SLC30A8: variants seen among roughly 807,000 people sequenced by gnomAD.
SLC30A8 encodes solute carrier family 30 member 8.
SLC30A8 carries 27 observed loss-of-function variants against 36.9 expected under a neutral mutation model. That is an observed-to-expected ratio of 0.73 (90% CI 0.54 to 1.01). The LOEUF (loss-of-function observed/expected upper bound fraction) is 1.01. Ranked by LOEUF, SLC30A8 falls within the 50% of genes least tolerant of loss-of-function variation. The pLI, the probability that SLC30A8 is intolerant of heterozygous loss-of-function variation, is 0.00. For missense variants in SLC30A8, 439 were observed against 452.0 expected (o/e 0.97, Z 0.26); for synonymous variants, 164 against 172.4 (o/e 0.95, Z 0.38).
chr8:116,973,517 C>A (rs1018563851), intron 1 of SLC30A8, among the ~76,000 whole-genome samples: 1 of 152,226 alleles, frequency 6.6e-6, no homozygotes, highest in East Asian at 1.9e-4. Flanking sequence ...AACTACAAAC[C>A]GCTGCTCAAC....
At chr8:117,041,381 T>G (rs1817382231) in intron 2 of SLC30A8, among the ~76,000 whole-genome samples, 2 of 152,174 alleles carry the variant, frequency 1.3e-5, no homozygotes, top group African/African-American at 4.8e-5. Context: ...ATTCTAGAAT[T>G]TGCCCTGAAA....
intron 5 of SLC30A8, among the ~76,000 whole-genome samples, chr8:117,162,773 G>A (rs1370046720): frequency 6.6e-6 from 1 of 152,218 alleles, no homozygotes; most frequent in Admixed American, 6.5e-5. Context: ...AGTTGATGCT[G>A]AATTTCTTAA....
chr8:116,975,451 GGTCT>G (rs1243656387), intron 1 of SLC30A8, among the ~76,000 whole-genome samples: 4 of 152,016 alleles, frequency 2.6e-5, no homozygotes, highest in African/African-American at 9.7e-5. Context: ...TAAAATATGT[GGTCT>G]GTCTTAGTTG....
At chr8:116,993,041 CAT>C (rs929939475) in intron 1 of SLC30A8, among the ~76,000 whole-genome samples, 12 of 152,126 alleles carry the variant, frequency 7.9e-5, no homozygotes, top group African/African-American at 2.9e-4. Flanking sequence ...TTAAAGAAAA[CAT>C]AGCCAAATTA....
chr8:117,007,193 A>G (rs1284575825), intron 1 of SLC30A8: 1 of 151,984 alleles, frequency 6.6e-6, no homozygotes, highest in Non-Finnish European at 1.5e-5. Context: ...ACCTATAGGT[A>G]GACAACTGTC....
At chr8:117,160,546 C>G (rs1339721094) in intron 4 of SLC30A8, among the ~76,000 whole-genome samples, 1 of 152,134 alleles carries the variant, frequency 6.6e-6, no homozygotes, top group Non-Finnish European at 1.5e-5. Flanking sequence ...ACCTTTATGG[C>G]CCAAGCTTTT....
intron 1 of SLC30A8, among the ~76,000 whole-genome samples, chr8:117,006,777 T>A (rs111854611): frequency 9.0e-6 from 1 of 111,128 alleles, no homozygotes; most frequent in African/African-American, 3.8e-5. Flanking sequence ...AGGTAATTTT[T>A]TTTTTTTTTT....
At chr8:117,065,467 C>T (rs1000562381) in intron 2 of SLC30A8, among the ~76,000 whole-genome samples, 27 of 152,036 alleles carry the variant, frequency 1.8e-4, no homozygotes, top group African/African-American at 5.6e-4. Context: ...CCCTACATAC[C>T]TTAGTAAATC....
At chr8:116,960,882 C>G (rs1443286560) in intron 1 of SLC30A8, among the ~76,000 whole-genome samples, 1 of 151,842 alleles carries the variant, frequency 6.6e-6, no homozygotes, top group African/African-American at 2.4e-5. Flanking sequence ...TGTGAAAGAC[C>G]CTAATGTTTG....
intron 1 of SLC30A8, among the ~76,000 whole-genome samples, chr8:116,977,236 C>T (rs1744213927): frequency 2.1e-5 from 3 of 146,156 alleles, no homozygotes; most frequent in African/African-American, 7.7e-5. Flanking sequence ...GCAAGCTCCG[C>T]CTCCTGGGTT....
chr8:117,169,966 T>C (rs1396005215), intron 6 of SLC30A8, among the ~76,000 whole-genome samples: 1 of 152,120 alleles, frequency 6.6e-6, no homozygotes, highest in Admixed American at 6.6e-5. Context: ...GATTTAATTG[T>C]CTGGGGTTGG....
chr8:117,161,922 A>T lies in SLC30A8; in HGVS notation c.723+34A>T, dbSNP rs1296952661. 1.9e-6 allele frequency: 3 copies of T among 1,588,992 alleles called. No individual in the cohort carries two copies. In the Admixed American group the frequency reaches 5.1e-5, roughly 27 times the overall value. ...GAGTTTACCCACCATCCTAGTACTT[A>T]TGTAGATTAGGTAGTACAGAAGCTG... is the stretch of plus-strand genomic sequence containing the variant. On this transcript the variant is annotated intron_variant, in intron 5 of 7. Transcript: ENST00000456015.
chr8:116,960,938 C>A (rs912050729), intron 1 of SLC30A8, among the ~76,000 whole-genome samples: 1 of 151,774 alleles, frequency 6.6e-6, no homozygotes, highest in Non-Finnish European at 1.5e-5. Flanking sequence ...TTATGACTCT[C>A]CTATTTTAAG....
At chr8:117,003,427 T>A (rs1816078624) in intron 1 of SLC30A8, among the ~76,000 whole-genome samples, 1 of 152,200 alleles carries the variant, frequency 6.6e-6, no homozygotes, top group South Asian at 2.1e-4. Context: ...AACTAGTCAG[T>A]TTCCTCAGCT....
intron 2 of SLC30A8, among the ~76,000 whole-genome samples, chr8:117,099,724 T>G (rs994789719): frequency 6.6e-6 from 1 of 152,182 alleles, no homozygotes; most frequent in Non-Finnish European, 1.5e-5. Context: ...CTAAACATCA[T>G]CAGTCTCTTT....
At chr8:116,975,534 G>A (rs530200776) in intron 1 of SLC30A8, among the ~76,000 whole-genome samples, 1 of 152,240 alleles carries the variant, frequency 6.6e-6, no homozygotes, top group Non-Finnish European at 1.5e-5. Flanking sequence ...ATTTTTTAAG[G>A]CCTTGGCAAT....
intron 4 of SLC30A8, among the ~76,000 whole-genome samples, chr8:117,161,109 GTA>G (rs1323232443): frequency 1.3e-5 from 2 of 152,082 alleles, no homozygotes; most frequent in African/African-American, 2.4e-5. Context: ...GTGTGTATAT[GTA>G]TGTACACATA....
chr8:117,084,061 T>C (rs1563585065), intron 2 of SLC30A8, among the ~76,000 whole-genome samples: 1 of 152,190 alleles, frequency 6.6e-6, no homozygotes, highest in Non-Finnish European at 1.5e-5. Flanking sequence ...TGAAATATTT[T>C]TGACTATAAT....
intron 2 of SLC30A8, among the ~76,000 whole-genome samples, chr8:117,092,018 A>G (rs1365316683): frequency 1.3e-5 from 2 of 152,200 alleles, no homozygotes; most frequent in Non-Finnish European, 2.9e-5. Flanking sequence ...TATGCTGAAA[A>G]TGATGACATA....
Sources: gnomAD v4.1 joint callset for allele counts (sites outside exome capture counted in the v4.1 genomes callset) on GRCh38, gnomAD v4.1.1 for gene constraint, MANE v1.5 for transcripts, NCBI Gene and HGNC (gene_info 2026-07-23, HGNC 2026-07-21) for gene names.